Variants in OPTC observed in about 807,000 individuals in gnomAD.
OPTC encodes oculoglycan.
OPTC carries 22 observed loss-of-function variants against 25.4 expected under a neutral mutation model. That is an observed-to-expected ratio of 0.87 (90% CI 0.62 to 1.24). The LOEUF (loss-of-function observed/expected upper bound fraction) is 1.24, where lower values mean the gene tolerates loss of function less well. Among genes scored for constraint, OPTC ranks in the 50% most tolerant of loss-of-function variants. The pLI is 0.00. For missense variants in OPTC, 417 were observed against 425.2 expected (o/e 0.98, Z 0.17); for synonymous variants, 169 against 179.3 (o/e 0.94, Z 0.46).
chr1:203,495,670 A>G (rs1661265582), intron 1 of OPTC, among the ~76,000 whole-genome samples: 1 of 152,194 alleles, frequency 6.6e-6, no homozygotes, highest in Admixed American at 6.5e-5. Flanking sequence ...TTTGTAAACA[A>G]GGGGACTCTT....
rs755696227 is a variant in OPTC, at chr1:203,498,687, C to T, written c.377C>T (p.Pro126Leu). ...TGTCTTCCACCTGGGCCAGGTCTGCCCACCTGCCTGGTCTGCGTGTGCCTC... is the reference window on the plus strand; with the variant it reads ...TGTCTTCCACCTGGGCCAGGTCTGCTCACCTGCCTGGTCTGCGTGTGCCTC... ...LLSSQPNHGL[P>L]TCLVCVCLGS... is the part of the protein sequence containing the mutation. Residue 126 changes from proline to leucine, a missense_variant, in exon 4 of 8, where the codon CCC (proline) becomes CTC (leucine). Physicochemically the swap from Pro to Leu is moderately conservative, Grantham distance 98 (BLOSUM62 -3). Transcript: ENST00000367222. 4 of 1,614,192 alleles carry T rather than the reference C, an allele frequency of 2.5e-6. No homozygotes were observed. In the Admixed American group the frequency reaches 6.7e-5, roughly 27 times the overall value.
Position 203,503,554 on chromosome 1 carries a change from A to T in OPTC, c.833A>T (p.Asn278Ile). The T allele has an allele frequency of 6.2e-7, 1 of 1,613,404 alleles. No individual in the cohort carries two copies. Among genetic ancestry groups the T allele is most frequent in the Non-Finnish European group, 8.5e-7 (1 of 1,180,012 alleles). Residue 278 changes from asparagine to isoleucine, a missense_variant, in exon 7 of 8, where the codon AAC becomes ATC. Asn to Ile is a moderately radical substitution (Grantham distance 149, BLOSUM62 -3). Transcript: ENST00000367222. ...GCTGGTATGTGTTCTTCCCAGAATAACCTGATAGAGACCATGCAGAGAGAC... is the reference window on the plus strand; with the variant it reads ...GCTGGTATGTGTTCTTCCCAGAATATCCTGATAGAGACCATGCAGAGAGAC... ...LSLRSVHLQN[N>I]LIETMQRDVF...
intron 7 of OPTC, among the ~76,000 whole-genome samples, chr1:203,508,415 G>T (rs1162309975): frequency 1.3e-5 from 2 of 152,150 alleles, no homozygotes; most frequent in Non-Finnish European, 2.9e-5. Context: ...GAACCTTGGG[G>T]CTCAAAGACA....
rs530454769 is a variant in OPTC at position 203,503,828 on chromosome 1, C to T, written c.*25+83C>T. ...TTATCTTTAAACGGTGATCTTTAGC[C>T]CAGGCATTAATCAACCTCTCGATCC... On this transcript the variant is annotated intron_variant, in intron 7 of 7. Transcript: ENST00000367222. 5 of 1,228,890 alleles carry T rather than the reference C, an allele frequency of 4.1e-6. No homozygotes were observed. The African/African-American group carries it at 5.9e-5, about 15-fold the overall frequency. The allele number at this position is 1,228,890 out of a possible 1,614,324, so 76.1% of individuals were successfully genotyped here. A position where few individuals can be genotyped will look rare whatever the true frequency, so the allele number is the denominator to read the frequency against.
chr1:203,500,176 A>ACCTACCACTG (rs1558238228), intron 5 of OPTC, among the ~76,000 whole-genome samples: 1 of 34 alleles, frequency 0.029, no homozygotes. Flanking sequence ...CACCTCCACC[A>ACCTACCACTG]CCACCACCAC....
At chr1:203,501,882 C>T (rs573660603) in intron 5 of OPTC, among the ~76,000 whole-genome samples, 4 of 152,278 alleles carry the variant, frequency 2.6e-5, no homozygotes, top group African/African-American at 9.6e-5. Flanking sequence ...CCCCACTGCT[C>T]AGCCTCAGCA....
intron 5 of OPTC, among the ~76,000 whole-genome samples, chr1:203,502,537 A>G (rs1047041248): frequency 2.4e-4 from 36 of 152,132 alleles, no homozygotes; most frequent in African/African-American, 8.0e-4. Context: ...GAGACTTGTC[A>G]TTGGGGAAAG....
At chr1:203,495,685 ATG>A (rs1485166963) in intron 1 of OPTC, among the ~76,000 whole-genome samples, 3 of 152,126 alleles carry the variant, frequency 2.0e-5, no homozygotes, top group Non-Finnish European at 4.4e-5. Flanking sequence ...ACTCTTGTGA[ATG>A]TGTCTGTGTT....
chr1:203,495,613 GTTGT>G (rs1232955445), intron 1 of OPTC, among the ~76,000 whole-genome samples: 5 of 152,188 alleles, frequency 3.3e-5, no homozygotes, highest in Non-Finnish European at 5.9e-5. Flanking sequence ...TGAGCATGGG[GTTGT>G]TTAAGAGAGG....
chr1:203,504,391 C>T (rs535218348), intron 7 of OPTC, among the ~76,000 whole-genome samples: 1 of 152,296 alleles, frequency 6.6e-6, no homozygotes, highest in South Asian at 2.1e-4. Context: ...CTGGGCATCT[C>T]TTCCAGCTCC....
chr1:203,496,537 C>A (rs1455212507), intron 2 of OPTC, among the ~76,000 whole-genome samples: 1 of 152,162 alleles, frequency 6.6e-6, no homozygotes, highest in East Asian at 1.9e-4. Flanking sequence ...GTGCCACATC[C>A]CCCATCTCTT....
Position 203,497,093 on chromosome 1 carries a change from A to T in OPTC, c.348A>T (p.Leu116=). ...CCAGACCTACTACAGCAGGGCTGCT[A>T]CTGAGTTCCCAGCCCAACCATGGTA... The part of the protein sequence containing the change: ...TMTRPTTAGL[L]LSSQPNHGLP... The change falls in exon 3 of 8, where the codon CTA becomes CTT. Residue 116 remains leucine (L), a synonymous_variant. Coordinates refer to ENST00000367222, the MANE Select transcript of OPTC (RefSeq NM_014359.4). The T allele has an allele frequency of 6.2e-7, 1 of 1,613,976 alleles. No homozygotes were observed.
Position 203,508,631 on chromosome 1 carries a change from C to G in OPTC, c.*26-15C>G, listed in dbSNP as rs945659252. 5 of 151,318 alleles carry G rather than the reference C, an allele frequency of 3.3e-5. No individual in the cohort carries two copies. The highest frequency in any genetic ancestry group is 5.9e-5 in the Non-Finnish European group (4 of 67,960). 9.4% of individuals were successfully genotyped at this position (151,318 alleles called of 1,614,324 possible). On this transcript the variant is annotated splice_polypyrimidine_tract_variant and intron_variant, in intron 7 of 7. Transcript: ENST00000367222. The stretch of plus-strand genomic sequence containing the variant: ...ACTAGACACCAGCTCAATTTTGTCT[C>G]TCCTCTCTCTCAAGGTCATCTCTTG...
Position 203,502,986 on chromosome 1 carries a change from A to C in OPTC, c.805A>C (p.Ser269Arg). Residue 269 changes from serine to arginine, a missense_variant, in exon 6 of 8, where the codon AGC (serine) becomes CGC (arginine). Transcript: ENST00000367222. ...TTCTATCCCGGGGCCTTTGCCCCTG[A>C]GCCTGCGCTCTGTACACCTGCAGGT... The part of the protein sequence containing the change: ...LDSIPGPLPL[S>R]LRSVHLQNNL... The C allele has an allele frequency of 1.9e-6, 3 of 1,613,760 alleles. No individual in the cohort carries two copies. Among genetic ancestry groups the C allele is most frequent in the Non-Finnish European group, 2.5e-6 (3 of 1,179,878 alleles).
chr1:203,495,995 T>G lies in OPTC; in HGVS notation c.-11T>G. The stretch of plus-strand genomic sequence containing the variant: ...GCCGCTGAAGGGATTCTCAGTCCCA[T>G]CTGACTCCCCATGAGGCTCCTGGCT... On this transcript the variant is annotated 5_prime_UTR_variant, in exon 2 of 8. Transcript: ENST00000367222. 5.6e-6 allele frequency: 9 copies of G among 1,600,332 alleles called. No homozygotes were observed. Among genetic ancestry groups the G allele is most frequent in the Non-Finnish European group, 7.7e-6 (9 of 1,170,808 alleles).
rs1230232494 is a variant in OPTC, at chr1:203,503,564, G to A, written c.843G>A (p.Glu281=). The A allele has an allele frequency of 6.2e-7, 1 of 1,613,462 alleles. No homozygotes were observed. The highest frequency in any genetic ancestry group is 1.3e-5 in the African/African-American group (1 of 74,932). The change falls in exon 7 of 8, where the codon GAG becomes GAA. Residue 281 remains glutamate (E), a synonymous_variant. Transcript: ENST00000367222. ...GTTCTTCCCAGAATAACCTGATAGAGACCATGCAGAGAGACGTCTTCTGTG... is the reference window on the plus strand; with the variant it reads ...GTTCTTCCCAGAATAACCTGATAGAAACCATGCAGAGAGACGTCTTCTGTG... The part of the protein sequence containing the change: ...RSVHLQNNLI[E]TMQRDVFCDP...
intron 7 of OPTC, among the ~76,000 whole-genome samples, chr1:203,506,933 G>A (rs1045755954): frequency 3.9e-5 from 6 of 152,238 alleles, no homozygotes; most frequent in Admixed American, 6.5e-5. Context: ...TTGCTGCTCC[G>A]GGAGGGGTTC....
intron 4 of OPTC, among the ~76,000 whole-genome samples, chr1:203,499,101 A>G (rs1371691099): frequency 6.6e-6 from 1 of 152,216 alleles, no homozygotes; most frequent in East Asian, 1.9e-4. Context: ...ATCTGCCAGC[A>G]TCTTCAGGAT....
Position 203,498,532 on chromosome 1 carries a change from G to A in OPTC, c.371-149G>A, listed in dbSNP as rs6668135. 0.14 allele frequency: 119,013 copies of A among 863,938 alleles called. 9,746 individuals carry two copies. The highest frequency in any genetic ancestry group is 0.33 in the East Asian group (13,034 of 39,710). The allele number at this position is 863,938 out of a possible 1,614,324, so 53.5% of individuals were successfully genotyped here. On this transcript the variant is annotated intron_variant, in intron 3 of 7. Transcript: ENST00000367222. ...TGACAGGGGAGCAGACAACAGCACC[G>A]TGTACATGGTGCCCGTCAGTTCTGG...
Sources: allele counts gnomAD v4.1 joint callset (sites outside exome capture counted in the v4.1 genomes callset), GRCh38; gene constraint gnomAD v4.1.1; transcripts MANE v1.5; gene names NCBI Gene and HGNC (gene_info 2026-07-23, HGNC 2026-07-21).